RSRC1: variants seen among roughly 807,000 people sequenced by gnomAD.
RSRC1 encodes serine/Arginine-related protein 53.
RSRC1 carries 39 observed loss-of-function variants against 49.1 expected under a neutral mutation model. That is an observed-to-expected ratio of 0.79 (90% CI 0.61 to 1.04). The LOEUF (loss-of-function observed/expected upper bound fraction) is 1.04. RSRC1 is among the 50% of genes least tolerant of loss of function. The pLI is 0.00. For missense variants in RSRC1, 388 were observed against 402.4 expected (o/e 0.96, Z 0.31); for synonymous variants, 143 against 130.8 (o/e 1.09, Z -0.63).
chr3:158,137,642 A>T (rs1296625938), intron 3 of RSRC1, among the ~76,000 whole-genome samples: 6 of 141,114 alleles, frequency 4.3e-5, no homozygotes, highest in Admixed American at 7.7e-5. Flanking sequence ...AAAATAGGTG[A>T]CTTTTTCTTT....
At chr3:158,211,753 A>G (rs1255516226) in intron 4 of RSRC1, among the ~76,000 whole-genome samples, 2 of 151,978 alleles carry the variant, frequency 1.3e-5, no homozygotes, top group Non-Finnish European at 2.9e-5. Context: ...GTAATAGAGA[A>G]GATGTTAACT....
intron 4 of RSRC1, among the ~76,000 whole-genome samples, chr3:158,292,136 C>T (rs1442017276): frequency 2.0e-5 from 3 of 152,176 alleles, no homozygotes; most frequent in South Asian, 2.1e-4. Flanking sequence ...CTGCTTCATA[C>T]GTGTTGAGCC....
chr3:158,194,971 T>A (rs1720489021), intron 3 of RSRC1, among the ~76,000 whole-genome samples: 1 of 152,180 alleles, frequency 6.6e-6, no homozygotes, highest in Non-Finnish European at 1.5e-5. Context: ...TGTGCATGTG[T>A]CTTTATAGCA....
intron 4 of RSRC1, among the ~76,000 whole-genome samples, chr3:158,252,319 G>A (rs1255611421): frequency 2.9e-5 from 4 of 137,906 alleles, no homozygotes; most frequent in Non-Finnish European, 6.3e-5. Context: ...CCGCCACCAC[G>A]CCCGGCTAAT....
intron 3 of RSRC1, among the ~76,000 whole-genome samples, chr3:158,149,655 A>G (rs777526119): frequency 1.3e-5 from 2 of 152,248 alleles, no homozygotes; most frequent in Non-Finnish European, 1.5e-5. Context: ...CATAGTGAAC[A>G]TGATGCTATA....
intron 7 of RSRC1, among the ~76,000 whole-genome samples, chr3:158,509,310 T>C (rs974988507): frequency 1.3e-5 from 2 of 152,160 alleles, no homozygotes; most frequent in African/African-American, 4.8e-5. Flanking sequence ...CTTTAGAAGA[T>C]ATGTAAAGGG....
intron 5 of RSRC1, among the ~76,000 whole-genome samples, chr3:158,301,974 TTTTTTGGGGTTTTTTTG>T (rs1213855554): frequency 1.7e-4 from 17 of 97,880 alleles, no homozygotes; most frequent in Non-Finnish European, 3.3e-4. Flanking sequence ...TGTTTTTTTG[TTTTTTGGGGTTTTTTTG>T]TTTTTTTTTT....
Position 158,118,462 on chromosome 3 carries a change from T to TGTGTGTGTGTGTGTGTGTGTGTGTGC in RSRC1, c.-2-3640_-2-3639insTGTGTGTGTGTGTGTGTGTGTGTGCG, listed in dbSNP as rs1491469875. On this transcript the variant is annotated intron_variant, in intron 1 of 9. Transcript: ENST00000611884. ...GTGTGTGTGTGTGTGTGTGTGTGTGTGCGCGTGCGCGTGGTTTTTTTAAAT... is the reference window on the plus strand; with the variant it reads ...GTGTGTGTGTGTGTGTGTGTGTGTGTGTGTGTGTGTGTGTGTGTGTGTGTGCGCGCGTGCGCGTGGTTTTTTTAAAT... 6.4e-5 allele frequency among the ~76,000 whole-genome samples: 8 copies of TGTGTGTGTGTGTGTGTGTGTGTGTGC among 124,682 alleles called. 1 individual carries two copies. Among genetic ancestry groups the TGTGTGTGTGTGTGTGTGTGTGTGTGC allele is most frequent in the East Asian group, 2.6e-4 (1 of 3,790 alleles). The allele number at this position is 124,682 out of a possible 152,430, so 81.8% of individuals were successfully genotyped here.
chr3:158,473,857 A>G (rs1738253411), intron 7 of RSRC1, among the ~76,000 whole-genome samples: 4 of 152,094 alleles, frequency 2.6e-5, no homozygotes, highest in Admixed American at 2.6e-4. Flanking sequence ...TTCTATGTGA[A>G]CTCAATAAAT....
chr3:158,389,938 T>C (rs1203626993), intron 6 of RSRC1, among the ~76,000 whole-genome samples: 2 of 152,186 alleles, frequency 1.3e-5, no homozygotes, highest in East Asian at 1.9e-4. Context: ...ACTGCACCCA[T>C]TGAGAACTAT....
intron 6 of RSRC1, among the ~76,000 whole-genome samples, chr3:158,450,331 C>CTTT (rs57318071): frequency 7.9e-6 from 1 of 127,308 alleles, no homozygotes; most frequent in Non-Finnish European, 1.7e-5. Context: ...TTCTTTTTTG[C>CTTT]TTTTTTTTTT....
At chr3:158,150,494 A>C (rs1717455784) in intron 3 of RSRC1, among the ~76,000 whole-genome samples, 1 of 152,224 alleles carries the variant, frequency 6.6e-6, no homozygotes, top group Non-Finnish European at 1.5e-5. Context: ...TTATTTGCTA[A>C]TTGAAATGAA....
Position 158,254,869 on chromosome 3 carries a change from T to G in RSRC1, c.495-43170T>G, listed in dbSNP as rs1724442524. On this transcript the variant is annotated intron_variant, in intron 4 of 9. Coordinates refer to ENST00000611884, the MANE Select transcript of RSRC1 (RefSeq NM_001271838.2). Reference sequence around the variant, plus strand: ...CTGTTGGCTGCATAAATGTCTTCTTTTGAGAAGTGTCTATTCATATCCTCT... The same window carrying G: ...CTGTTGGCTGCATAAATGTCTTCTTGTGAGAAGTGTCTATTCATATCCTCT... 2.0e-5 allele frequency among the ~76,000 whole-genome samples: 3 copies of G among 152,226 alleles called. No homozygotes were observed. In the South Asian group the frequency reaches 6.2e-4, roughly 32 times the overall value.
intron 7 of RSRC1, among the ~76,000 whole-genome samples, chr3:158,462,163 T>C (rs1686322514): frequency 6.6e-6 from 1 of 151,846 alleles, no homozygotes; most frequent in African/African-American, 2.4e-5. Flanking sequence ...AATTTTATGG[T>C]ATACTGAGAA....
At chr3:158,372,196 T>G (rs1732117688) in intron 6 of RSRC1, among the ~76,000 whole-genome samples, 1 of 151,874 alleles carries the variant, frequency 6.6e-6, no homozygotes, top group South Asian at 2.1e-4. Flanking sequence ...CAGTTTTTCT[T>G]GTATGTATTG....
chr3:158,527,595 TATA>T (rs1712120014), intron 7 of RSRC1, among the ~76,000 whole-genome samples: 1 of 151,966 alleles, frequency 6.6e-6, no homozygotes, highest in Non-Finnish European at 1.5e-5. Flanking sequence ...TATATGTGCT[TATA>T]AAAACACACC....
At chr3:158,357,738 A>G (rs1414269884) in intron 6 of RSRC1, among the ~76,000 whole-genome samples, 1 of 152,152 alleles carries the variant, frequency 6.6e-6, no homozygotes, top group Non-Finnish European at 1.5e-5. Flanking sequence ...TGGATAGGGA[A>G]GTCTAGTAGT....
intron 4 of RSRC1, among the ~76,000 whole-genome samples, chr3:158,217,834 G>C (rs1722034748): frequency 6.6e-6 from 1 of 151,156 alleles, no homozygotes; most frequent in South Asian, 2.1e-4. Context: ...CCAAGCATAA[G>C]ACATGTGTAG....
intron 4 of RSRC1, among the ~76,000 whole-genome samples, chr3:158,277,925 T>G (rs1725908730): frequency 6.6e-6 from 1 of 152,152 alleles, no homozygotes; most frequent in Non-Finnish European, 1.5e-5. Flanking sequence ...GTAGTTGGGA[T>G]TATAGGCATG....
Sources: gnomAD v4.1 joint callset for allele counts (sites outside exome capture counted in the v4.1 genomes callset) on GRCh38, gnomAD v4.1.1 for gene constraint, MANE v1.5 for transcripts, NCBI Gene and HGNC (gene_info 2026-07-23, HGNC 2026-07-21) for gene names.